PPP1R9A: variants seen among roughly 807,000 people sequenced by gnomAD.
PPP1R9A encodes the protein neurabin-1.
Under a neutral mutation model 141.9 loss-of-function variants are expected in PPP1R9A, and 59 were observed. That is an observed-to-expected ratio of 0.42 (90% CI 0.34 to 0.52). PPP1R9A has a LOEUF of 0.52. Among genes scored for constraint, PPP1R9A ranks in the 20% least tolerant of loss-of-function variants. The probability of loss-of-function intolerance (pLI) is 0.10; values close to 1 mark genes in which losing one functional copy is unlikely to be tolerated. For missense variants in PPP1R9A, 1,444 were observed against 1,611.9 expected, an observed-to-expected ratio of 0.90 and a Z score of 1.78; for synonymous variants, 500 against 569.7, an observed-to-expected ratio of 0.88 and a Z score of 1.74.
At chr7:95,183,455 T>TC (rs1834159921) in intron 5 of PPP1R9A, among the ~76,000 whole-genome samples, 1 of 146,436 alleles carries the variant, frequency 6.8e-6, no homozygotes, top group South Asian at 2.2e-4. Context: ...ATTCTTTTTT[T>TC]TTTTTTTTTT....
At chr7:94,970,537 C>T (rs954788698) in intron 2 of PPP1R9A, among the ~76,000 whole-genome samples, 3 of 152,092 alleles carry the variant, frequency 2.0e-5, no homozygotes, top group Admixed American at 6.6e-5. Context: ...AGCTGCGTAC[C>T]TCGGTTAGAA....
chr7:95,052,773 T>C (rs1214003289), intron 2 of PPP1R9A, among the ~76,000 whole-genome samples: 1 of 152,208 alleles, frequency 6.6e-6, no homozygotes, highest in Non-Finnish European at 1.5e-5. Flanking sequence ...CATCAACCAA[T>C]AGTCAGGAAC....
rs113891945 is a variant in PPP1R9A, at chr7:94,918,711, CT to C, written c.1395+7204del. 4.4e-3 allele frequency among the ~76,000 whole-genome samples: 669 copies of C among 152,200 alleles called. 6 individuals are homozygous for C. The highest frequency in any genetic ancestry group is 0.015 in the African/African-American group (639 of 41,534). ...ACTTGCTTTTTCTGTAGACTTACTT[CT>C]GGACATTTCTTACAAATGCTTTTAA... On this transcript the variant is annotated intron_variant, in intron 2 of 19. Coordinates refer to ENST00000433360, the MANE Select transcript of PPP1R9A (RefSeq NM_001166160.2).
intron 2 of PPP1R9A, among the ~76,000 whole-genome samples, chr7:94,939,080 A>G (rs571497065): frequency 1.1e-4 from 16 of 152,184 alleles, no homozygotes; most frequent in Non-Finnish European, 1.8e-4. Context: ...AATGAATCTC[A>G]GTGGAGGCAC....
chr7:95,001,213 T>A (rs993288306), intron 2 of PPP1R9A, among the ~76,000 whole-genome samples: 5 of 152,198 alleles, frequency 3.3e-5, no homozygotes, highest in South Asian at 2.1e-4. Flanking sequence ...GGAAGGCTGT[T>A]ATAAATAAGG....
At chr7:95,096,892 C>T (rs921219701) in intron 2 of PPP1R9A, among the ~76,000 whole-genome samples, 1 of 152,120 alleles carries the variant, frequency 6.6e-6, no homozygotes, top group Non-Finnish European at 1.5e-5. Context: ...TCTTTGCTTT[C>T]GGGGTCACTT....
intron 2 of PPP1R9A, among the ~76,000 whole-genome samples, chr7:94,920,389 C>T (rs891009463): frequency 1.3e-5 from 2 of 151,324 alleles, no homozygotes; most frequent in African/African-American, 2.4e-5. Flanking sequence ...TTACAGTTCC[C>T]GGTTTTCAGC....
chr7:95,078,443 G>A lies in PPP1R9A; in HGVS notation c.1396-32816G>A, dbSNP rs926665666. On this transcript the variant is annotated intron_variant, in intron 2 of 19. Coordinates refer to ENST00000433360, the MANE Select transcript of PPP1R9A (RefSeq NM_001166160.2). Reference sequence around the variant, plus strand: ...GTGAATAGTGCCGCAATAAACATACGTGTGCATGTGTCTTTATAGCAGCAT... The same window carrying A: ...GTGAATAGTGCCGCAATAAACATACATGTGCATGTGTCTTTATAGCAGCAT... Among the ~76,000 whole-genome samples, 590 of 151,640 alleles carry A rather than the reference G, an allele frequency of 3.9e-3. 8 individuals carry two copies. Among genetic ancestry groups the A allele is most frequent in the African/African-American group, 0.013 (556 of 41,270 alleles).
chr7:95,092,033 C>T (rs895204999), intron 2 of PPP1R9A, among the ~76,000 whole-genome samples: 3 of 152,090 alleles, frequency 2.0e-5, no homozygotes, highest in Admixed American at 6.6e-5. Context: ...AAGAATCACT[C>T]GATGGTAGCT....
At chr7:95,271,113 T>A (rs1206196370) in intron 14 of PPP1R9A, among the ~76,000 whole-genome samples, 1 of 152,276 alleles carries the variant, frequency 6.6e-6, no homozygotes, top group East Asian at 1.9e-4. Flanking sequence ...ATCATATGAT[T>A]TAAAGGTACA....
At chr7:94,988,851 C>A (rs1801161395) in intron 2 of PPP1R9A, among the ~76,000 whole-genome samples, 1 of 151,710 alleles carries the variant, frequency 6.6e-6, no homozygotes, top group Admixed American at 6.6e-5. Context: ...ATAATTTAGC[C>A]TGATTTTTTT....
chr7:95,058,882 C>T (rs904612814), intron 2 of PPP1R9A, among the ~76,000 whole-genome samples: 3 of 152,042 alleles, frequency 2.0e-5, no homozygotes, highest in East Asian at 3.9e-4. Flanking sequence ...CTCTGACTCC[C>T]TGGTTCAAGT....
rs1585597751 is a variant in PPP1R9A, at chr7:95,276,579, G to A, written c.3296+2411G>A. 3.9e-5 allele frequency among the ~76,000 whole-genome samples: 6 copies of A among 152,270 alleles called. No individual in the cohort carries two copies. The East Asian group carries it at 1.2e-3, about 29-fold the overall frequency. On this transcript the variant is annotated intron_variant, in intron 16 of 19. Transcript: ENST00000433360. ...CAAACTAGTTTCTAATTAGAATCATGATTTTGATCTTTTGTAGTTCCTAAG... is the reference window on the plus strand; with the variant it reads ...CAAACTAGTTTCTAATTAGAATCATAATTTTGATCTTTTGTAGTTCCTAAG...
chr7:95,088,071 T>C (rs1303521547), intron 2 of PPP1R9A, among the ~76,000 whole-genome samples: 1 of 152,000 alleles, frequency 6.6e-6, no homozygotes, highest in African/African-American at 2.4e-5. Context: ...TTGTTTGAGC[T>C]TTATTCTGTG....
intron 2 of PPP1R9A, among the ~76,000 whole-genome samples, chr7:95,061,391 A>G (rs1004537774): frequency 2.6e-5 from 4 of 152,246 alleles, no homozygotes; most frequent in African/African-American, 9.6e-5. Flanking sequence ...TTCTTTAACA[A>G]TACCATAGGT....
intron 2 of PPP1R9A, among the ~76,000 whole-genome samples, chr7:94,951,155 GATTGTATA>G (rs1346020306): frequency 6.6e-6 from 1 of 152,008 alleles, no homozygotes; most frequent in Non-Finnish European, 1.5e-5. Context: ...CTAAATAGGT[GATTGTATA>G]GTATTCCAAT....
chr7:94,942,369 A>G (rs1323398626), intron 2 of PPP1R9A, among the ~76,000 whole-genome samples: 1 of 152,232 alleles, frequency 6.6e-6, no homozygotes, highest in African/African-American at 2.4e-5. Flanking sequence ...CAATGAAAAG[A>G]TCATGATTTT....
rs190065433 is a variant in PPP1R9A at position 95,073,610 on chromosome 7, C to A, written c.1396-37649C>A. Among the ~76,000 whole-genome samples the A allele has an allele frequency of 3.8e-3, 559 of 147,332 alleles. 2 individuals carry two copies. The highest frequency in any genetic ancestry group is 6.3e-3 in the Non-Finnish European group (421 of 67,272). On this transcript the variant is annotated intron_variant, in intron 2 of 19. Coordinates refer to ENST00000433360, the MANE Select transcript of PPP1R9A (RefSeq NM_001166160.2). ...TTTTGCACTGTTATTCAATGCAATACCTGAAAGAAATAAGTTTTTTTTTTT... is the reference window on the plus strand; with the variant it reads ...TTTTGCACTGTTATTCAATGCAATAACTGAAAGAAATAAGTTTTTTTTTTT...
intron 2 of PPP1R9A, among the ~76,000 whole-genome samples, chr7:95,093,666 T>C (rs1377077506): frequency 6.6e-6 from 1 of 152,208 alleles, no homozygotes; most frequent in African/African-American, 2.4e-5. Flanking sequence ...TTATATTGTC[T>C]ACCATATGAT....
Sources: allele counts gnomAD v4.1 joint callset (sites outside exome capture counted in the v4.1 genomes callset), GRCh38; gene constraint gnomAD v4.1.1; transcripts MANE v1.5; gene names NCBI Gene and HGNC (gene_info 2026-07-23, HGNC 2026-07-21).